The following RYR2 variants were observed in gnomAD, a reference collection of about 807,000 sequenced individuals.
RYR2 encodes ryanodine receptor 2, also known as cardiac muscle ryanodine receptor-calcium release channel.
RYR2 carries 227 observed loss-of-function variants against 601.1 expected under a neutral mutation model. The ratio of observed to expected loss-of-function variants is 0.38; its 90% CI spans 0.34 to 0.42. RYR2 has a LOEUF of 0.42. RYR2 is among the 10% of genes least tolerant of loss of function. The pLI, the probability that RYR2 is intolerant of heterozygous loss-of-function variation, is 1.00. For missense variants in RYR2, 4,646 were observed against 6,156.5 expected (o/e 0.75, Z 8.21); for synonymous variants, 2,223 against 2,175.1 (o/e 1.02, Z -0.61).
chr1:237,664,003 G>C (rs1684053910), intron 56 of RYR2, among the ~76,000 whole-genome samples: 1 of 152,162 alleles, frequency 6.6e-6, no homozygotes, highest in Non-Finnish European at 1.5e-5. Context: ...CCTTGGTAGG[G>C]ATACTAAAGA....
At chr1:237,575,235 T>C (rs1339384616) in intron 29 of RYR2, among the ~76,000 whole-genome samples, 2 of 152,204 alleles carry the variant, frequency 1.3e-5, no homozygotes, top group Non-Finnish European at 2.9e-5. Flanking sequence ...GCCTAATAAC[T>C]TAGTTGACAC....
chr1:237,466,649 T>C (rs963843725), intron 16 of RYR2, among the ~76,000 whole-genome samples: 8 of 152,020 alleles, frequency 5.3e-5, no homozygotes, highest in Non-Finnish European at 1.0e-4. Context: ...TTTTTTTCTG[T>C]TTTACTGATG....
chr1:237,423,124 C>T lies in RYR2; in HGVS notation c.881C>T (p.Pro294Leu), dbSNP rs750542606. The T allele has an allele frequency of 2.2e-5, 35 of 1,613,586 alleles. No homozygotes were observed. The highest frequency in any genetic ancestry group is 2.8e-5 in the Non-Finnish European group (33 of 1,179,800). Residue 294 changes from proline (P) to leucine (L), a missense_variant, in exon 12 of 105, where the codon CCA becomes CTA. Coordinates refer to ENST00000366574, the MANE Select transcript of RYR2 (RefSeq NM_001035.3). ...WSGSHIRWGQPFRLRHVTTGK... is the reference protein window; with the variant it reads ...WSGSHIRWGQLFRLRHVTTGK... Reference sequence around the variant, plus strand: ...GGAAGCCACATAAGATGGGGACAGCCATTCCGACTACGCCATGTCACAACA... The same window carrying T: ...GGAAGCCACATAAGATGGGGACAGCTATTCCGACTACGCCATGTCACAACA...
chr1:237,167,241 GA>G (rs35825101), intron 1 of RYR2, among the ~76,000 whole-genome samples: 1 of 151,908 alleles, frequency 6.6e-6, no homozygotes. Context: ...GGGAAGAGGG[GA>G]AAAAAAGCAC....
chr1:237,733,124 A>G (rs1230079761), intron 78 of RYR2, among the ~76,000 whole-genome samples: 1 of 152,108 alleles, frequency 6.6e-6, no homozygotes, highest in Non-Finnish European at 1.5e-5. Flanking sequence ...TCATAAGTGA[A>G]TTTTTCTCAT....
chr1:237,662,781 T>C (rs1228014966), intron 56 of RYR2, among the ~76,000 whole-genome samples: 1 of 152,246 alleles, frequency 6.6e-6, no homozygotes, highest in Non-Finnish European at 1.5e-5. Flanking sequence ...AAATTTCATA[T>C]GCGATTTCAA....
At chr1:237,561,062 G>A (rs1220055755) in intron 27 of RYR2, among the ~76,000 whole-genome samples, 1 of 152,124 alleles carries the variant, frequency 6.6e-6, no homozygotes, top group Non-Finnish European at 1.5e-5. Flanking sequence ...AAGTTATATA[G>A]GGAAGGGAAG....
Position 237,707,262 on chromosome 1 carries a change from G to A in RYR2, c.9894G>A (p.Arg3298=). 1 of 1,505,732 alleles carries A rather than the reference G, an allele frequency of 6.6e-7. No homozygotes were observed. Among genetic ancestry groups the A allele is most frequent in the Non-Finnish European group, 9.0e-7 (1 of 1,114,498 alleles). The allele number at this position is 1,505,732 out of a possible 1,614,324, so 93.3% of individuals were successfully genotyped here. Residue 3298 remains arginine, a synonymous_variant, in exon 68 of 105, where the codon AGG becomes AGA. Transcript: ENST00000366574. ...LGIDEGAWMK[R]LAVFSQPIIN... Reference sequence around the variant, plus strand: ...TTGATGAGGGAGCCTGGATGAAGAGGCTAGCAGGTAAGAACTGGAAGAAGA... The same window carrying A: ...TTGATGAGGGAGCCTGGATGAAGAGACTAGCAGGTAAGAACTGGAAGAAGA...
At chr1:237,383,715 C>G (rs1458861650) in intron 8 of RYR2, among the ~76,000 whole-genome samples, 1 of 152,048 alleles carries the variant, frequency 6.6e-6, no homozygotes, top group Non-Finnish European at 1.5e-5. Flanking sequence ...AGGCGTGAGC[C>G]ACCGCGCCTG....
chr1:237,801,810 T>G, intron 97 of RYR2, 46 bp from the exon 98 acceptor site: 2 of 1,261,628 alleles, frequency 1.6e-6, no homozygotes, highest in Non-Finnish European at 2.3e-6. Context: ...CTATGAGTCT[T>G]TGGTTAATGT....
At chr1:237,789,459 ATAAC>A (rs3841806) in intron 92 of RYR2, among the ~76,000 whole-genome samples, 90,687 of 148,582 alleles carry the variant, frequency 0.61, 29,033 homozygotes, top group East Asian at 0.93. Context: ...TGTTTCCTAG[ATAAC>A]TAACTCTGAA....
chr1:237,269,995 A>ACCAT (rs1689521900), intron 1 of RYR2, among the ~76,000 whole-genome samples: 1 of 152,200 alleles, frequency 6.6e-6, no homozygotes, highest in Non-Finnish European at 1.5e-5. Context: ...GCTTGGTTGA[A>ACCAT]CTAAGATGAC....
intron 1 of RYR2, among the ~76,000 whole-genome samples, chr1:237,139,619 C>T (rs555755590): frequency 6.6e-6 from 1 of 152,242 alleles, no homozygotes; most frequent in South Asian, 2.1e-4. Context: ...AAGAAGATAC[C>T]ATGACAATAT....
intron 70 of RYR2, among the ~76,000 whole-genome samples, chr1:237,710,446 T>C (rs1688734411): frequency 6.6e-6 from 1 of 152,168 alleles, no homozygotes; most frequent in African/African-American, 2.4e-5. Context: ...GGATGACAAA[T>C]ATTATTTATT....
intron 1 of RYR2, among the ~76,000 whole-genome samples, chr1:237,227,111 C>A (rs190350643): frequency 2.3e-4 from 35 of 152,032 alleles, no homozygotes; most frequent in East Asian, 1.9e-3. Context: ...GCATAGAGAT[C>A]GAAAAATGTT....
chr1:237,388,068 T>A lies in RYR2; in HGVS notation c.677-19T>A. The A allele has an allele frequency of 6.2e-7, 1 of 1,607,514 alleles. No homozygotes were observed. The highest frequency in any genetic ancestry group is 1.3e-5 in the African/African-American group (1 of 74,972). ...CTGACACTGACAGTCCAGACCTGAATGATTTTTTATCCTTACAGGGTATCT... is the reference window on the plus strand; with the variant it reads ...CTGACACTGACAGTCCAGACCTGAAAGATTTTTTATCCTTACAGGGTATCT... On this transcript the variant is annotated intron_variant, in intron 9 of 104. Coordinates refer to ENST00000366574, the MANE Select transcript of RYR2 (RefSeq NM_001035.3).
At chr1:237,371,695 C>A (rs989660973) in intron 6 of RYR2, among the ~76,000 whole-genome samples, 1 of 152,080 alleles carries the variant, frequency 6.6e-6, no homozygotes, top group African/African-American at 2.4e-5. Flanking sequence ...GGCACATATA[C>A]GCCATGGAAT....
intron 17 of RYR2, among the ~76,000 whole-genome samples, chr1:237,487,699 C>T (rs1319975236): frequency 1.3e-5 from 2 of 151,386 alleles, no homozygotes; most frequent in Non-Finnish European, 2.9e-5. Flanking sequence ...TGCCAATGCT[C>T]TCCAGCCTGG....
intron 1 of RYR2, among the ~76,000 whole-genome samples, chr1:237,153,485 TTC>T (rs1491111554): frequency 6.6e-6 from 1 of 152,188 alleles, no homozygotes; most frequent in Admixed American, 6.5e-5. Context: ...GCGATAATAT[TTC>T]TATAAAATAA....
Sources: gnomAD v4.1 joint callset for allele counts (sites outside exome capture counted in the v4.1 genomes callset) on GRCh38, gnomAD v4.1.1 for gene constraint, MANE v1.5 for transcripts, NCBI Gene and HGNC (gene_info 2026-07-23, HGNC 2026-07-21) for gene names.